CSPP1: variants seen among roughly 807,000 people sequenced by gnomAD.
CSPP1 encodes the protein centrosome and spindle pole associated protein 1, also known as centrosome and spindle pole-associated protein 1.
CSPP1 carries 126 observed loss-of-function variants against 164.4 expected under a neutral mutation model. The ratio of observed to expected loss-of-function variants is 0.77; its 90% CI spans 0.66 to 0.89. The LOEUF is 0.89. Ranked by LOEUF, CSPP1 falls within the 40% of genes least tolerant of loss-of-function variation. The pLI is 0.00. For synonymous variants in CSPP1, 472 were observed against 476.7 expected, an observed-to-expected ratio of 0.99 and a Z score of 0.13; for missense variants, 1,395 against 1,449.8, an observed-to-expected ratio of 0.96 and a Z score of 0.61.
intron 3 of CSPP1, chr8:67,084,280 T>A (rs1280513409): frequency 6.6e-6 from 1 of 152,206 alleles, no homozygotes; most frequent in Non-Finnish European, 1.5e-5. Context: ...ATACCCTCTA[T>A]CATCAAGGAG....
chr8:67,195,240 A>AAAACAAAAC, intron 30 of CSPP1, 142 bp from the exon 31 acceptor site: 1 of 712,018 alleles, frequency 1.4e-6, no homozygotes, highest in East Asian at 2.5e-5. Context: ...GAGTCTAACC[A>AAAACAAAAC]AAACAAACAA....
intron 15 of CSPP1, among the ~76,000 whole-genome samples, chr8:67,127,005 G>A (rs1304281532): frequency 6.6e-6 from 1 of 151,818 alleles, no homozygotes; most frequent in Admixed American, 6.6e-5. Flanking sequence ...TATTCTACCT[G>A]TCCAGTGGAT....
intron 19 of CSPP1, among the ~76,000 whole-genome samples, chr8:67,157,066 T>C (rs1826805617): frequency 6.6e-6 from 1 of 152,042 alleles, no homozygotes; most frequent in African/African-American, 2.4e-5. Context: ...TGAATGTGAT[T>C]TTTTTTTCCA....
Position 67,064,601 on chromosome 8 carries a change from A to C in CSPP1, c.-11+63A>C. The stretch of plus-strand genomic sequence containing the variant: ...CCTGGGGCTGCATTCGCTGCCCCGG[A>C]GCGGGGGCAGGGGCAGTGGCTCCCT... On this transcript the variant is annotated intron_variant, in intron 1 of 30. Coordinates refer to ENST00000678616, the MANE Select transcript of CSPP1 (RefSeq NM_001382391.1). 3.3e-6 allele frequency: 4 copies of C among 1,221,566 alleles called. 1 individual carries two copies. The South Asian group carries it at 5.7e-5, about 17-fold the overall frequency. 75.7% of individuals were successfully genotyped at this position (1,221,566 alleles called of 1,614,324 possible).
chr8:67,128,962 G>A (rs1820664688), intron 15 of CSPP1, among the ~76,000 whole-genome samples: 1 of 152,092 alleles, frequency 6.6e-6, no homozygotes, highest in African/African-American at 2.4e-5. Flanking sequence ...GGGTTTTTCT[G>A]ATGATTGAAT....
At chr8:67,110,469 T>G (rs1036325256) in intron 9 of CSPP1, among the ~76,000 whole-genome samples, 1 of 151,552 alleles carries the variant, frequency 6.6e-6, no homozygotes, top group African/African-American at 2.4e-5. Flanking sequence ...GTCTGAGAAT[T>G]GTTCAGTTTA....
intron 24 of CSPP1, among the ~76,000 whole-genome samples, chr8:67,166,752 T>C (rs982471610): frequency 9.2e-5 from 14 of 151,964 alleles, no homozygotes; most frequent in Middle Eastern, 3.4e-3. Flanking sequence ...TAATTGATCA[T>C]TCTTGGGTGT....
intron 25 of CSPP1, chr8:67,173,100 G>A (rs888041461): frequency 6.6e-6 from 1 of 152,308 alleles, no homozygotes; most frequent in African/African-American, 2.4e-5. Context: ...GGAGACAATA[G>A]GCATAAGACT....
chr8:67,100,557 T>C (rs1813837770), intron 7 of CSPP1, among the ~76,000 whole-genome samples: 1 of 151,662 alleles, frequency 6.6e-6, no homozygotes, highest in African/African-American at 2.4e-5. Context: ...TTTAAGAATT[T>C]GTAACTTTAA....
chr8:67,117,703 A>G (rs773841841), intron 13 of CSPP1, among the ~76,000 whole-genome samples: 2 of 152,036 alleles, frequency 1.3e-5, no homozygotes, highest in Non-Finnish European at 2.9e-5. Context: ...CTCTTTCTGG[A>G]TTGTCCTTCC....
At chr8:67,182,317 CTTTTT>C (rs112406408) in intron 28 of CSPP1, among the ~76,000 whole-genome samples, 1 of 146,248 alleles carries the variant, frequency 6.8e-6, no homozygotes, top group African/African-American at 2.5e-5. Flanking sequence ...CAGATTTCCC[CTTTTT>C]TTTTTTATGC....
intron 8 of CSPP1, 77 bp from the exon 9 acceptor site, chr8:67,105,828 A>G: frequency 2.5e-6 from 2 of 789,126 alleles, no homozygotes; most frequent in South Asian, 2.9e-5. Context: ...TCATAGCTAC[A>G]TTTTACTCTG....
chr8:67,070,957 T>C (rs1443934049), intron 1 of CSPP1, among the ~76,000 whole-genome samples: 2 of 151,978 alleles, frequency 1.3e-5, no homozygotes, highest in African/African-American at 2.4e-5. Context: ...GATCTTACTA[T>C]GTTGCCCAGG....
chr8:67,193,400 A>AT lies in CSPP1; in HGVS notation c.3331-62dup, dbSNP rs1836967792. 5 of 1,466,412 alleles carry AT rather than the reference A, an allele frequency of 3.4e-6. No homozygotes were observed. In the African/African-American group the frequency reaches 5.6e-5, roughly 16 times the overall value. The allele number at this position is 1,466,412 out of a possible 1,614,324, so 90.8% of individuals were successfully genotyped here. On this transcript the variant is annotated intron_variant, in intron 29 of 30. Coordinates refer to ENST00000678616, the MANE Select transcript of CSPP1 (RefSeq NM_001382391.1). ...GTGATAGGCACCATGCCTGGCCCTG[A>AT]TTCACTGATTTGTGAACATATTTTG...
At chr8:67,123,710 C>G (rs1309500687) in intron 15 of CSPP1, among the ~76,000 whole-genome samples, 1 of 150,686 alleles carries the variant, frequency 6.6e-6, no homozygotes, top group Non-Finnish European at 1.5e-5. Flanking sequence ...CTCCTGGGCT[C>G]AAGCAATCCT....
intron 28 of CSPP1, 124 bp from the exon 29 acceptor site, chr8:67,190,526 C>T (rs1586922312): frequency 1.4e-6 from 1 of 698,222 alleles, no homozygotes; most frequent in East Asian, 2.6e-5. Flanking sequence ...TGTGTATGTA[C>T]ATACATTGAG....
In CSPP1 at chr8:67,196,329, C is replaced by T. The variant is rs954783753; in HGVS notation, c.*736C>T. On this transcript the variant is annotated 3_prime_UTR_variant, in exon 31 of 31. Coordinates refer to ENST00000678616, the MANE Select transcript of CSPP1 (RefSeq NM_001382391.1). Reference sequence around the variant, plus strand: ...GAGGTTGAATAGAGGTGGGGACACCCGGGAGTCAAGGACAGAGAGACTGGA... The same window carrying T: ...GAGGTTGAATAGAGGTGGGGACACCTGGGAGTCAAGGACAGAGAGACTGGA... 4 of 152,082 alleles carry T rather than the reference C, an allele frequency of 2.6e-5. No homozygotes were observed. Among genetic ancestry groups the T allele is most frequent in the Non-Finnish European group, 4.4e-5 (3 of 68,030 alleles). 9.4% of individuals were successfully genotyped at this position (152,082 alleles called of 1,614,324 possible).
intron 28 of CSPP1, 38 bp downstream of exon 28, chr8:67,179,964 A>C: frequency 8.5e-7 from 1 of 1,170,758 alleles, no homozygotes; most frequent in South Asian, 1.3e-5. Context: ...TATTGTTTAA[A>C]TATTAAACCT....
intron 17 of CSPP1, among the ~76,000 whole-genome samples, chr8:67,145,987 T>G (rs1824466238): frequency 6.6e-6 from 1 of 152,218 alleles, no homozygotes; most frequent in Admixed American, 6.5e-5. Flanking sequence ...CTGATTTTCA[T>G]TGTGACTTTT....
Sources: gnomAD v4.1 joint callset for allele counts (sites outside exome capture counted in the v4.1 genomes callset) on GRCh38, gnomAD v4.1.1 for gene constraint, MANE v1.5 for transcripts, NCBI Gene and HGNC (gene_info 2026-07-23, HGNC 2026-07-21) for gene names.